CSMD1: variants seen among roughly 807,000 people sequenced by gnomAD.
The protein encoded by CSMD1 is CUB and Sushi multiple domains 1, also known as CUB and sushi domain-containing protein 1.
A neutral mutation model predicts 417.5 loss-of-function variants in CSMD1; 213 were observed. The ratio of observed to expected loss-of-function variants is 0.51; its 90% confidence interval spans 0.46 to 0.57. The LOEUF (loss-of-function observed/expected upper bound fraction) is 0.57, where lower values mean the gene tolerates loss of function less well. Among genes scored for constraint, CSMD1 ranks in the 20% least tolerant of loss-of-function variants. The probability of loss-of-function intolerance (pLI) is 0.00; values close to 1 mark genes in which losing one functional copy is unlikely to be tolerated. For synonymous variants in CSMD1, 2,862 were observed against 1,736.8 expected (o/e 1.65, Z -16.11); for missense variants, 6,923 against 4,529.7 (o/e 1.53, Z -15.17).
chr8:4,678,221 G>A (rs1805817744), intron 1 of CSMD1, among the ~76,000 whole-genome samples: 1 of 151,914 alleles, frequency 6.6e-6, no homozygotes, highest in Non-Finnish European at 1.5e-5. Context: ...GGTCAGCCTG[G>A]CCAACCTGGT....
At position 3,707,971 on chromosome 8, in the gene CSMD1, G is replaced by A. The variant is rs74440536; in HGVS notation, c.1009+443C>T. On this transcript the variant is annotated intron_variant, in intron 7 of 69. Coordinates refer to ENST00000635120, the MANE Select transcript of CSMD1 (RefSeq NM_033225.6). ...GATCTTGTTTTCTCTTTGGAAGGAC[G>A]TAGACATTGCCCGAAAGCTACTTTA... 4.9e-3 allele frequency among the ~76,000 whole-genome samples: 740 copies of A among 152,310 alleles called. 10 individuals are homozygous for A. The highest frequency in any genetic ancestry group is 0.017 in the African/African-American group (704 of 41,568).
chr8:4,771,496 T>G (rs1796595439), intron 1 of CSMD1, among the ~76,000 whole-genome samples: 2 of 152,250 alleles, frequency 1.3e-5, no homozygotes, highest in Admixed American at 1.3e-4. Flanking sequence ...TGCGCAGTTA[T>G]GCTGCATTAC....
intron 2 of CSMD1, among the ~76,000 whole-genome samples, chr8:4,462,757 G>T (rs1485579152): frequency 6.6e-6 from 1 of 152,130 alleles, no homozygotes; most frequent in Non-Finnish European, 1.5e-5. Context: ...TCAATAAATG[G>T]TGCTCAGACA....
chr8:3,245,712 C>T (rs960939033), intron 26 of CSMD1, among the ~76,000 whole-genome samples: 1 of 152,174 alleles, frequency 6.6e-6, no homozygotes, highest in East Asian at 1.9e-4. Flanking sequence ...TATAAAACCA[C>T]AGCTACCACA....
intron 2 of CSMD1, among the ~76,000 whole-genome samples, chr8:4,503,292 T>C (rs1324150851): frequency 6.6e-6 from 1 of 152,138 alleles, no homozygotes; most frequent in Admixed American, 6.5e-5. Flanking sequence ...TAAGAAGGTG[T>C]TGAAGTATTT....
At chr8:3,822,960 T>C (rs1306374321) in intron 5 of CSMD1, among the ~76,000 whole-genome samples, 2 of 152,184 alleles carry the variant, frequency 1.3e-5, no homozygotes, top group Admixed American at 6.5e-5. Flanking sequence ...AAAAGTTGAA[T>C]CAACTTTTTT....
intron 5 of CSMD1, among the ~76,000 whole-genome samples, chr8:3,934,945 G>A (rs892857851): frequency 2.0e-5 from 3 of 152,082 alleles, no homozygotes; most frequent in Admixed American, 6.6e-5. Context: ...GCATATAAAA[G>A]TAATATTTAC....
intron 3 of CSMD1, among the ~76,000 whole-genome samples, chr8:4,308,730 C>G (rs1245700393): frequency 6.6e-6 from 1 of 152,158 alleles, no homozygotes; most frequent in Non-Finnish European, 1.5e-5. Context: ...AGTAATTTAT[C>G]TGAGATGTGT....
intron 3 of CSMD1, among the ~76,000 whole-genome samples, chr8:4,160,313 G>C (rs952912632): frequency 6.6e-6 from 1 of 152,126 alleles, no homozygotes; most frequent in Non-Finnish European, 1.5e-5. Context: ...CCAGCAACAA[G>C]CATAAAAATA....
chr8:3,131,161 C>T (rs995387416), intron 41 of CSMD1, among the ~76,000 whole-genome samples: 2 of 151,976 alleles, frequency 1.3e-5, no homozygotes, highest in African/African-American at 4.8e-5. Context: ...TACAAAAGTG[C>T]GATAAAGCAA....
chr8:4,790,727 C>T (rs1344810569), intron 1 of CSMD1, among the ~76,000 whole-genome samples: 1 of 152,088 alleles, frequency 6.6e-6, no homozygotes, highest in Admixed American at 6.6e-5. Flanking sequence ...AAGAAGCAAC[C>T]AGGAAAGGAC....
At chr8:4,096,024 C>G (rs767259698) in intron 3 of CSMD1, among the ~76,000 whole-genome samples, 12 of 151,368 alleles carry the variant, frequency 7.9e-5, no homozygotes, top group Admixed American at 2.0e-4. Flanking sequence ...GATAATAATT[C>G]ATGGGTATAA....
At chr8:4,220,372 G>T (rs1229804101) in intron 3 of CSMD1, among the ~76,000 whole-genome samples, 1 of 152,182 alleles carries the variant, frequency 6.6e-6, no homozygotes, top group South Asian at 2.1e-4. Flanking sequence ...ACACCATGAG[G>T]AGGACCCACA....
chr8:4,099,582 A>T (rs370511445), intron 3 of CSMD1, among the ~76,000 whole-genome samples: 2 of 152,062 alleles, frequency 1.3e-5, no homozygotes, highest in African/African-American at 4.8e-5. Flanking sequence ...ATATCAATCA[A>T]TCAAACTGTT....
chr8:3,633,206 T>C (rs1313150154), intron 7 of CSMD1, among the ~76,000 whole-genome samples: 3 of 152,214 alleles, frequency 2.0e-5, no homozygotes, highest in Non-Finnish European at 4.4e-5. Flanking sequence ...AGAACTCAAA[T>C]AAAACATAAC....
At chr8:3,784,748 T>G (rs1024402478) in intron 5 of CSMD1, among the ~76,000 whole-genome samples, 3 of 152,332 alleles carry the variant, frequency 2.0e-5, no homozygotes, top group African/African-American at 4.8e-5. Context: ...AATGCATGAC[T>G]AAGTAAAATA....
chr8:3,082,533 C>T lies in CSMD1; in HGVS notation c.7474+4564G>A, dbSNP rs78309504. Among the ~76,000 whole-genome samples, 824 of 152,284 alleles carry T rather than the reference C, an allele frequency of 5.4e-3. 13 individuals carry two copies. Among genetic ancestry groups the T allele is most frequent in the Non-Finnish European group, 3.5e-3 (241 of 68,032 alleles). On this transcript the variant is annotated intron_variant, in intron 49 of 69. Coordinates refer to ENST00000635120, the MANE Select transcript of CSMD1 (RefSeq NM_033225.6). ...ATCAGTTTTTAAGACTCTCTCCCTC[C>T]GGACTAGCAGAGCCATAAGAGCTGG...
chr8:3,269,226 T>C (rs1397676223), intron 26 of CSMD1, among the ~76,000 whole-genome samples: 2 of 152,244 alleles, frequency 1.3e-5, no homozygotes, highest in African/African-American at 2.4e-5. Context: ...TTTGGGCCTA[T>C]GCTGTTCACA....
At chr8:3,109,359 C>T (rs1816353890) in intron 43 of CSMD1, among the ~76,000 whole-genome samples, 1 of 152,176 alleles carries the variant, frequency 6.6e-6, no homozygotes, top group African/African-American at 2.4e-5. Context: ...CATGGCCAAC[C>T]ACAGAATGCT....
Sources: allele counts gnomAD v4.1 joint callset (sites outside exome capture counted in the v4.1 genomes callset), GRCh38; gene constraint gnomAD v4.1.1; transcripts MANE v1.5; gene names NCBI Gene and HGNC (gene_info 2026-07-23, HGNC 2026-07-21).